SIPA1L3: variants seen among roughly 807,000 people sequenced by gnomAD.
SIPA1L3 encodes the protein signal induced proliferation associated 1 like 3.
SIPA1L3 carries 59 observed loss-of-function variants against 150.1 expected under a neutral mutation model. The ratio of observed to expected loss-of-function variants is 0.39; its 90% CI spans 0.32 to 0.49. The LOEUF is 0.49. SIPA1L3 is among the 20% of genes least tolerant of loss of function. The pLI is 0.86. For synonymous variants in SIPA1L3, 1,070 were observed against 1,077.6 expected, an observed-to-expected ratio of 0.99 and a Z score of 0.14; for missense variants, 2,211 against 2,489.5, an observed-to-expected ratio of 0.89 and a Z score of 2.38.
At chr19:38,109,321 G>C (rs1461587194) in intron 7 of SIPA1L3, 1 of 152,172 alleles carries the variant, frequency 6.6e-6, no homozygotes, top group Non-Finnish European at 1.5e-5. Flanking sequence ...AAAACCATCA[G>C]ATCTCGTGAA....
intron 1 of SIPA1L3, among the ~76,000 whole-genome samples, chr19:37,979,094 C>T (rs1018876883): frequency 8.5e-5 from 13 of 152,124 alleles, no homozygotes; most frequent in Non-Finnish European, 1.5e-4. Context: ...AATCTATAAA[C>T]ATGGCAGCTG....
chr19:38,130,642 A>G lies in SIPA1L3; in HGVS notation c.3013A>G (p.Ser1005Gly), dbSNP rs1971286464. 1 of 1,613,696 alleles carries G rather than the reference A, an allele frequency of 6.2e-7. No homozygotes were observed. The highest frequency in any genetic ancestry group is 1.1e-5 in the South Asian group (1 of 91,090). The change falls in exon 10 of 22, where the codon AGC becomes GGC. Residue 1005 changes from serine to glycine, a missense_variant. Physicochemically the swap from Ser to Gly is moderately conservative, Grantham distance 56. Transcript: ENST00000222345. Reference sequence around the variant, plus strand: ...CTGGCAGGCCGGCCTCCGGCAGGGCAGCCGACTAGTGGAGATCTGCAAGGT... The same window carrying G: ...CTGGCAGGCCGGCCTCCGGCAGGGCGGCCGACTAGTGGAGATCTGCAAGGT... ...FAWQAGLRQG[S>G]RLVEICKVAV...
Position 38,007,393 on chromosome 19 carries a change from C to T in SIPA1L3, c.-378-21696C>T, listed in dbSNP as rs1234495847. 4.9e-5 allele frequency among the ~76,000 whole-genome samples: 7 copies of T among 142,446 alleles called. No individual in the cohort carries two copies. The East Asian group carries it at 1.1e-3, about 22-fold the overall frequency. The allele number at this position is 142,446 out of a possible 152,430, so 93.5% of individuals were successfully genotyped here. On this transcript the variant is annotated intron_variant, in intron 1 of 21. Coordinates refer to ENST00000222345, the MANE Select transcript of SIPA1L3 (RefSeq NM_015073.3). ...GCGTGAACCCGGGAGGCGGAGGTTG[C>T]GGTGAGCCGAGATCACGCCATTGCA...
intron 2 of SIPA1L3, among the ~76,000 whole-genome samples, chr19:38,070,252 C>T (rs1157439320): frequency 1.3e-5 from 2 of 149,548 alleles, no homozygotes; most frequent in Admixed American, 1.3e-4. Context: ...CTCTGTCACC[C>T]AGGCTGGAGT....
rs555386628 is a variant in SIPA1L3 at position 37,987,998 on chromosome 19, A to G, written c.-378-41091A>G. Among the ~76,000 whole-genome samples, 8 of 152,276 alleles carry G rather than the reference A, an allele frequency of 5.3e-5. No homozygotes were observed. In the South Asian group the frequency reaches 1.5e-3, roughly 28 times the overall value. ...TTATCTCCTTTGGAAATTGTCCCAA[A>G]TTCTCTCTCTATTCTCCCCTCCTCC... On this transcript the variant is annotated intron_variant, in intron 1 of 21. Coordinates refer to ENST00000222345, the MANE Select transcript of SIPA1L3 (RefSeq NM_015073.3).
chr19:38,206,001 A>C (rs1973201490), intron 21 of SIPA1L3, 96 bp from the exon 22 acceptor site: 25 of 1,384,048 alleles, frequency 1.8e-5, no homozygotes, highest in Non-Finnish European at 2.3e-5. Context: ...GCTCCAAAGC[A>C]CAGCCGGGCC....
rs1342556008 is a variant in SIPA1L3, at chr19:38,206,753, C to T, written c.*513C>T. 1.3e-5 allele frequency: 2 copies of T among 152,866 alleles called. No homozygotes were observed. The highest frequency in any genetic ancestry group is 2.9e-5 in the Non-Finnish European group (2 of 68,198). 9.5% of individuals were successfully genotyped at this position (152,866 alleles called of 1,614,324 possible). ...AGGTGAGGCCCGCGTGGACACAGAC[C>T]AGGGCGCCTCGGTCCCTAGCACGTG... On this transcript the variant is annotated 3_prime_UTR_variant, in exon 22 of 22. Transcript: ENST00000222345.
rs1287658282 is a variant in SIPA1L3 at position 38,198,462 on chromosome 19, G to A, written c.4914G>A (p.Leu1638=). 6.2e-7 allele frequency: 1 copy of A among 1,605,262 alleles called. No individual in the cohort carries two copies. Among genetic ancestry groups the A allele is most frequent in the Non-Finnish European group, 8.5e-7 (1 of 1,176,690 alleles). ...DRPLRRLDPG[L]MPLPDTAAGL... ...CCCTGCGGCGCCTGGACCCTGGGCT[G>A]ATGCCCCTGCCTGACACAGCTGCTG... Residue 1638 remains leucine, a synonymous_variant, in exon 19 of 22, where the codon CTG becomes CTA. Transcript: ENST00000222345.
At chr19:37,923,923 AGTTT>A (rs2046478625) in intron 1 of SIPA1L3, among the ~76,000 whole-genome samples, 1 of 151,672 alleles carries the variant, frequency 6.6e-6, no homozygotes, top group South Asian at 2.1e-4. Context: ...ACTGTAATCT[AGTTT>A]GTTTGTTGTT....
At chr19:37,909,565 A>G (rs1332636312) in intron 1 of SIPA1L3, among the ~76,000 whole-genome samples, 2 of 152,112 alleles carry the variant, frequency 1.3e-5, no homozygotes, top group African/African-American at 4.8e-5. Flanking sequence ...TATGTAACAT[A>G]TGTATTAATA....
intron 1 of SIPA1L3, among the ~76,000 whole-genome samples, chr19:37,928,439 C>T (rs1393023759): frequency 1.3e-5 from 2 of 152,096 alleles, no homozygotes; most frequent in South Asian, 2.1e-4. Flanking sequence ...GGTGTGGTGG[C>T]ACATACCTGT....
chr19:37,956,137 G>C (rs943841415), intron 1 of SIPA1L3, among the ~76,000 whole-genome samples: 3 of 152,128 alleles, frequency 2.0e-5, no homozygotes, highest in Admixed American at 2.0e-4. Flanking sequence ...CCACAGGTGC[G>C]TGCCACCGCC....
intron 16 of SIPA1L3, among the ~76,000 whole-genome samples, chr19:38,190,332 C>A (rs1313683687): frequency 2.0e-5 from 3 of 152,122 alleles, no homozygotes; most frequent in African/African-American, 4.8e-5. Flanking sequence ...GTGGGGGAGT[C>A]CCCTTTTGAT....
At chr19:37,959,140 CAT>C (rs2046835947) in intron 1 of SIPA1L3, among the ~76,000 whole-genome samples, 1 of 152,204 alleles carries the variant, frequency 6.6e-6, no homozygotes, top group Non-Finnish European at 1.5e-5. Flanking sequence ...AAAATATATA[CAT>C]AGAGTTACCA....
chr19:37,974,760 T>G (rs908532471), intron 1 of SIPA1L3, among the ~76,000 whole-genome samples: 2 of 152,212 alleles, frequency 1.3e-5, no homozygotes, highest in African/African-American at 4.8e-5. Flanking sequence ...CACCCAGTGG[T>G]ACATCCCCTT....
chr19:38,129,582 G>A (rs1202291320), intron 9 of SIPA1L3, among the ~76,000 whole-genome samples: 2 of 147,336 alleles, frequency 1.4e-5, no homozygotes, highest in African/African-American at 5.1e-5. Context: ...CCGAGATCAC[G>A]CCACTGCACT....
chr19:37,918,937 A>G (rs138551553), intron 1 of SIPA1L3, among the ~76,000 whole-genome samples: 2 of 152,152 alleles, frequency 1.3e-5, no homozygotes, highest in Non-Finnish European at 2.9e-5. Context: ...TGCTTTGGAC[A>G]TGAAACCTGT....
rs149760493 is a variant in SIPA1L3 at position 38,046,684 on chromosome 19, C to T, written c.-311+17528C>T. On this transcript the variant is annotated intron_variant, in intron 2 of 21. Transcript: ENST00000222345. This position sits in a 1 kb window ranked among gnomAD's most constrained non-coding sequence, Gnocchi z 5.6. ...AGCCTGGGGATGCTGCTGGATTTTC[C>T]GGGTGTGGAGGGGCCCAGGTCCCCC... 4.2e-3 allele frequency among the ~76,000 whole-genome samples: 639 copies of T among 152,262 alleles called. 7 individuals carry two copies. Among genetic ancestry groups the T allele is most frequent in the East Asian group, 0.02 (103 of 5,176 alleles).
chr19:38,205,726 C>T (rs776266142), intron 21 of SIPA1L3, among the ~76,000 whole-genome samples: 13 of 152,168 alleles, frequency 8.5e-5, no homozygotes, highest in Non-Finnish European at 1.6e-4. Flanking sequence ...CTGTGTGAGG[C>T]TGGGGTCCTC....
Sources: gnomAD v4.1 joint callset for allele counts (sites outside exome capture counted in the v4.1 genomes callset) on GRCh38, gnomAD v4.1.1 for gene constraint, Gnocchi (gnomAD v3.1) non-coding constraint, MANE v1.5 for transcripts, NCBI Gene and HGNC (gene_info 2026-07-23, HGNC 2026-07-21) for gene names.